Variants in ITPR2 observed in about 807,000 individuals in gnomAD.
ITPR2 encodes inositol 1,4,5-trisphosphate receptor type 2, also known as inositol 1,4,5-trisphosphate-gated calcium channel ITPR2.
A neutral mutation model predicts 317.1 loss-of-function variants in ITPR2; 207 were observed. The observed-to-expected ratio is 0.65, with a 90% confidence interval of 0.58 to 0.73. The LOEUF is 0.73. ITPR2 is among the 30% of genes least tolerant of loss of function. ITPR2 has a pLI of 0.00. For missense variants in ITPR2, 2,613 were observed against 3,284.0 expected (o/e 0.80, Z 4.99); for synonymous variants, 1,156 against 1,149.1 (o/e 1.01, Z -0.12).
chr12:26,687,936 G>A (rs893516523), intron 10 of ITPR2, among the ~76,000 whole-genome samples: 1 of 152,148 alleles, frequency 6.6e-6, no homozygotes, highest in East Asian at 1.9e-4. Flanking sequence ...TATAAACTCT[G>A]TTTATTGACT....
chr12:26,622,339 A>G lies in ITPR2; in HGVS notation c.3189T>C (p.His1063=). ...GGRTFLRVLI[H]LIMHDYPPLL... ...AAGGCGGGTAGTCGTGCATGATCAG[A>G]TGAATGAGGACCCGTAAAAACGTCC... The change falls in exon 25 of 57, where the codon CAT becomes CAC. Residue 1063 remains histidine, a synonymous_variant. Coordinates refer to ENST00000381340, the MANE Select transcript of ITPR2 (RefSeq NM_002223.4). The G allele has an allele frequency of 6.2e-7, 1 of 1,613,996 alleles. No homozygotes were observed. The highest frequency in any genetic ancestry group is 1.3e-5 in the African/African-American group (1 of 75,042).
At chr12:26,522,290 C>G (rs1301590984) in intron 37 of ITPR2, among the ~76,000 whole-genome samples, 2 of 152,188 alleles carry the variant, frequency 1.3e-5, no homozygotes, top group African/African-American at 4.8e-5. Context: ...TAGAGATGTT[C>G]TAATGCTATC....
chr12:26,478,216 TGAA>T (rs1942459968), intron 43 of ITPR2, among the ~76,000 whole-genome samples: 3 of 152,266 alleles, frequency 2.0e-5, no homozygotes, highest in East Asian at 3.9e-4. Flanking sequence ...GTGACGATGA[TGAA>T]GATGATGATT....
Position 26,419,138 on chromosome 12 carries a change from T to C in ITPR2, c.7021A>G (p.Ile2341Val), listed in dbSNP as rs767899942. ...GTFTRGYRAV[I>V]LDMAFLYHVA... Reference sequence around the variant, plus strand: ...TGATAGAGAAAGGCCATATCCAGGATGACTGCTCGGTACCCACGGGTGAAC... The same window carrying C: ...TGATAGAGAAAGGCCATATCCAGGACGACTGCTCGGTACCCACGGGTGAAC... The change falls in exon 50 of 57, where the codon ATC (isoleucine) becomes GTC (valine). Residue 2341 changes from isoleucine (I) to valine (V), a missense_variant. Physicochemically the swap from Ile to Val is conservative, Grantham distance 29. Around this residue, in one of 9 missense-constraint regions of ITPR2, gnomAD observed 78 missense variants for 110.3 expected, o/e 0.71. Transcript: ENST00000381340. The C allele has an allele frequency of 1.9e-6, 3 of 1,613,742 alleles. No homozygotes were observed. The highest frequency in any genetic ancestry group is 2.2e-5 in the South Asian group (2 of 91,082).
In ITPR2 at chr12:26,476,900, A is replaced by G. The variant is rs1337897026; in HGVS notation, c.6219+12T>C. 5 of 1,588,464 alleles carry G rather than the reference A, an allele frequency of 3.1e-6. No homozygotes were observed. In the South Asian group the frequency reaches 5.6e-5, roughly 18 times the overall value. ...TACCCAATATTGACCAAGCTTTTAA[A>G]AGTTTTCTTACCAGTTCTCTGGGTC... is the stretch of plus-strand genomic sequence containing the variant. On this transcript the variant is annotated intron_variant, in intron 44 of 56. Transcript: ENST00000381340.
intron 39 of ITPR2, among the ~76,000 whole-genome samples, chr12:26,491,417 A>G (rs1158023728): frequency 3.1e-5 from 4 of 128,304 alleles, no homozygotes; most frequent in Admixed American, 1.0e-4. Context: ...CAGGAGGCGG[A>G]GTTTGCAGTG....
At chr12:26,779,031 C>T (rs939462307) in intron 2 of ITPR2, among the ~76,000 whole-genome samples, 1 of 152,178 alleles carries the variant, frequency 6.6e-6, no homozygotes, top group African/African-American at 2.4e-5. Context: ...CGAAAAGCTG[C>T]CAGTTTTGAG....
At chr12:26,359,602 GAA>G (rs34699968) in intron 55 of ITPR2, among the ~76,000 whole-genome samples, 1 of 151,274 alleles carries the variant, frequency 6.6e-6, no homozygotes, top group Admixed American at 6.6e-5. Context: ...CTCTTGTGGG[GAA>G]AAAAAAAGCT....
At chr12:26,462,746 A>G (rs1942068969) in intron 45 of ITPR2, among the ~76,000 whole-genome samples, 1 of 146,276 alleles carries the variant, frequency 6.8e-6, no homozygotes, top group African/African-American at 2.5e-5. Context: ...ATCCCAGCTC[A>G]CGGCAACCTC....
At chr12:26,770,667 T>C (rs1233304867) in intron 2 of ITPR2, among the ~76,000 whole-genome samples, 1 of 152,188 alleles carries the variant, frequency 6.6e-6, no homozygotes, top group Non-Finnish European at 1.5e-5. Flanking sequence ...TCCTCCCCCA[T>C]CCCATATCCA....
intron 2 of ITPR2, among the ~76,000 whole-genome samples, chr12:26,765,599 A>G (rs1949706617): frequency 6.6e-6 from 1 of 152,162 alleles, no homozygotes; most frequent in East Asian, 1.9e-4. Flanking sequence ...TTAACATTTT[A>G]TCTATGTTGG....
At chr12:26,706,791 G>A (rs1336430381) in intron 9 of ITPR2, among the ~76,000 whole-genome samples, 1 of 152,068 alleles carries the variant, frequency 6.6e-6, no homozygotes, top group East Asian at 1.9e-4. Flanking sequence ...TTACAAACTG[G>A]ATAAAAGTCA....
intron 37 of ITPR2, among the ~76,000 whole-genome samples, chr12:26,523,504 C>T (rs1188558383): frequency 6.7e-6 from 1 of 150,280 alleles, no homozygotes; most frequent in African/African-American, 2.5e-5. Flanking sequence ...AGCAGATTCT[C>T]AAAAACAATG....
At chr12:26,747,380 T>C (rs985675105) in intron 2 of ITPR2, among the ~76,000 whole-genome samples, 1 of 152,066 alleles carries the variant, frequency 6.6e-6, no homozygotes, top group Non-Finnish European at 1.5e-5. Flanking sequence ...TTTTGAAGAG[T>C]AGTCATCTCC....
intron 37 of ITPR2, among the ~76,000 whole-genome samples, chr12:26,535,208 T>A (rs570886059): frequency 6.6e-6 from 1 of 152,176 alleles, no homozygotes; most frequent in Admixed American, 6.5e-5. Context: ...TGGAACAATT[T>A]AAAATATGCT....
At chr12:26,408,311 C>T (rs1940423253) in intron 52 of ITPR2, among the ~76,000 whole-genome samples, 1 of 152,156 alleles carries the variant, frequency 6.6e-6, no homozygotes, top group African/African-American at 2.4e-5. Context: ...TCATCCTCAT[C>T]ATCAAGGTTT....
intron 39 of ITPR2, among the ~76,000 whole-genome samples, chr12:26,488,710 A>G (rs1047756087): frequency 7.2e-5 from 11 of 152,212 alleles, no homozygotes; most frequent in African/African-American, 2.7e-4. Flanking sequence ...TAAGCAGATG[A>G]TAAAGCCCAA....
chr12:26,737,522 G>C (rs1266728569), intron 2 of ITPR2, among the ~76,000 whole-genome samples: 1 of 152,028 alleles, frequency 6.6e-6, no homozygotes, highest in African/African-American at 2.4e-5. Context: ...TAAAGTTCTG[G>C]GATTACAGGC....
chr12:26,779,844 A>G (rs1303303667), intron 2 of ITPR2, among the ~76,000 whole-genome samples: 2 of 152,224 alleles, frequency 1.3e-5, no homozygotes, highest in African/African-American at 4.8e-5. Context: ...GTTTGGCTGG[A>G]TGGTCAGGGG....
Sources: gnomAD v4.1 joint callset for allele counts (sites outside exome capture counted in the v4.1 genomes callset) on GRCh38, gnomAD v4.1.1 for gene constraint, gnomAD v4.1.1 regional missense constraint, MANE v1.5 for transcripts, NCBI Gene and HGNC (gene_info 2026-07-23, HGNC 2026-07-21) for gene names.